The following RPL10 variants were observed in gnomAD, a reference collection of about 807,000 sequenced individuals.
RPL10 encodes large ribosomal subunit protein uL16.
In RPL10, 1 loss-of-function variant was observed where a neutral mutation model predicts 15.7. That is an observed-to-expected ratio of 0.06 (90% confidence interval 0.02 to 0.30). The LOEUF (loss-of-function observed/expected upper bound fraction) is 0.30, where lower values mean the gene tolerates loss of function less well. Among genes scored for constraint, RPL10 ranks in the 10% least tolerant of loss-of-function variants. RPL10 has a pLI of 1.00. For synonymous variants in RPL10, 59 were observed against 64.0 expected (o/e 0.92, Z 0.37); for missense variants, 54 against 183.4 (o/e 0.29, Z 4.08).
intron 2 of RPL10, 38 bp downstream of exon 2, chrX:154,398,580 C>A: frequency 1.7e-6 from 2 of 1,208,170 alleles, no homozygotes; most frequent in Non-Finnish European, 2.2e-6. Flanking sequence ...TGCTGGGAAA[C>A]GGGCGGGGAA....
upstream of RPL10, chrX:154,398,241 G>T (rs781883395): frequency 2.0e-6 from 1 of 496,007 alleles, no homozygotes; most frequent in East Asian, 3.8e-5. Flanking sequence ...GGCTACGCCC[G>T]GGCGCAAGCG....
rs371964689 is a variant in RPL10 at position 154,400,842 on chromosome X, C to T, written c.633C>T (p.Ala211=). The T allele has an allele frequency of 6.0e-4, 725 of 1,209,786 alleles. 3 individuals are homozygous for T. The South Asian group carries it at 0.011, about 19-fold the overall frequency. Residue 211 remains alanine, a synonymous_variant, in exon 7 of 7, where the codon GCC becomes GCT. Coordinates refer to ENST00000369817, the MANE Select transcript of RPL10 (RefSeq NM_006013.5). Reference sequence around the variant, plus strand: ...GTGGCCCTCTGGACAAGTGGCGGGCCCTGCACTCATGAGGGCTTCCAATGT... The same window carrying T: ...GTGGCCCTCTGGACAAGTGGCGGGCTCTGCACTCATGAGGGCTTCCAATGT... ...PSRGPLDKWR[A]LHS is the part of the protein sequence containing the mutation.
Position 154,400,530 on chromosome X carries a change from C to T in RPL10, c.396C>T (p.Gly132=). 1 of 1,207,576 alleles carries T rather than the reference C, an allele frequency of 8.3e-7. No individual in the cohort carries two copies. The highest frequency in any genetic ancestry group is 1.1e-6 in the Non-Finnish European group (1 of 894,841). ...PQGTVARVHI[G]QVIMSIRTKL... ...GCACTGTGGCCAGGGTTCACATTGG[C>T]CAAGTTATCATGTCCATCCGCACCA... The change falls in exon 6 of 7, where the codon GGC becomes GGT. Residue 132 remains glycine, a synonymous_variant. Coordinates refer to ENST00000369817, the MANE Select transcript of RPL10 (RefSeq NM_006013.5).
In RPL10 at chrX:154,400,690, A is replaced by G; in HGVS notation, c.493-12A>G. 1 of 1,210,758 alleles carries G rather than the reference A, an allele frequency of 8.3e-7. No homozygotes were observed. Among genetic ancestry groups the G allele is most frequent in the Non-Finnish European group, 1.1e-6 (1 of 895,156 alleles). On this transcript the variant is annotated splice_polypyrimidine_tract_variant and intron_variant, in intron 6 of 6. Coordinates refer to ENST00000369817, the MANE Select transcript of RPL10 (RefSeq NM_006013.5). Reference sequence around the variant, plus strand: ...CAGGCCTCCTGACTCAGTTCTTTCCATTGCTCCTTAGATCCACATCTCAAA... The same window carrying G: ...CAGGCCTCCTGACTCAGTTCTTTCCGTTGCTCCTTAGATCCACATCTCAAA...
In RPL10 at chrX:154,401,222, G is replaced by A. The variant is rs184818061; in HGVS notation, c.*368G>A. ...TTGTGTTGCTTATTACAACACATGCGGACCAAGAGGGGCTTGTGGGCTAGA... is the reference window on the plus strand; with the variant it reads ...TTGTGTTGCTTATTACAACACATGCAGACCAAGAGGGGCTTGTGGGCTAGA... On this transcript the variant is annotated 3_prime_UTR_variant, in exon 7 of 7. Transcript: ENST00000369817. 13 of 276,314 alleles carry A rather than the reference G, an allele frequency of 4.7e-5. No homozygotes were observed. The highest frequency in any genetic ancestry group is 1.1e-4 in the African/African-American group (4 of 35,985). The allele number at this position is 276,314 out of a possible 1,213,427, so 22.8% of individuals were successfully genotyped here.
rs782606677 is a variant in RPL10, at chrX:154,399,544, C to T, written c.140C>T (p.Pro47Leu). ...GRKKAKVDEFPLCGHMVSDEY... is the reference protein window; with the variant it reads ...GRKKAKVDEFLLCGHMVSDEY... The stretch of plus-strand genomic sequence containing the variant: ...AAAAAGGCAAAAGTGGATGAGTTTC[C>T]GCTTTGTGGCCACATGGTGTCAGAT... Residue 47 changes from proline to leucine, a missense_variant, in exon 4 of 7, where the codon CCG becomes CTG. By Grantham distance (98) the Pro-to-Leu change is moderately conservative (BLOSUM62 -3). Coordinates refer to ENST00000369817, the MANE Select transcript of RPL10 (RefSeq NM_006013.5). The T allele has an allele frequency of 9.9e-6, 12 of 1,209,946 alleles. No individual in the cohort carries two copies. The highest frequency in any genetic ancestry group is 1.3e-5 in the Non-Finnish European group (12 of 895,245).
Position 154,401,603 on chromosome X carries a change from G to A in RPL10, c.*749G>A, listed in dbSNP as rs1407546028. 1 of 112,066 alleles carries A rather than the reference G, an allele frequency of 8.9e-6. No homozygotes were observed. The highest frequency in any genetic ancestry group is 3.3e-5 in the African/African-American group (1 of 30,536). 9.2% of individuals were successfully genotyped at this position (112,066 alleles called of 1,213,427 possible). On this transcript the variant is annotated 3_prime_UTR_variant, in exon 7 of 7. Transcript: ENST00000369817. The stretch of plus-strand genomic sequence containing the variant: ...TGGCTTTTGGGGGAGCAGCAAAAAT[G>A]AGAGGAGTGCTAGGTGGGTGGCCTG...
At chrX:154,399,741 G>A in intron 4 of RPL10, 62 bp from the exon 5 acceptor site, 1 of 1,196,392 alleles carries the variant, frequency 8.4e-7, no homozygotes. Flanking sequence ...GCTGGAGATA[G>A]TCGTGGTGAA....
Position 154,399,392 on chromosome X carries a change from C to G in RPL10, c.78C>G (p.Val26=). 1 of 1,211,740 alleles carries G rather than the reference C, an allele frequency of 8.3e-7. No homozygotes were observed. The highest frequency in any genetic ancestry group is 2.3e-4 in the Middle Eastern group (1 of 4,356). ...PYPKSRFCRG[V]PDAKIRIFDL... ...CAAAGTCTCGCTTCTGCCGAGGTGT[C>G]CCTGGTAAGTAGTGGAAGAGCCCCT... The change falls in exon 3 of 7, where the codon GTC becomes GTG. Residue 26 remains valine (V), a synonymous_variant. Transcript: ENST00000369817.
rs782460076 is a variant in RPL10 at position 154,399,470 on chromosome X, T to C, written c.83-17T>C. The C allele has an allele frequency of 8.3e-7, 1 of 1,211,473 alleles. No homozygotes were observed. The highest frequency in any genetic ancestry group is 1.8e-5 in the South Asian group (1 of 57,018). On this transcript the variant is annotated splice_polypyrimidine_tract_variant and intron_variant, in intron 3 of 6. Coordinates refer to ENST00000369817, the MANE Select transcript of RPL10 (RefSeq NM_006013.5). ...TCCGTCTGTGACACCCCCTGCACAC[T>C]TACCCAATCCTTTTAGATGCCAAGA...
rs782301289 is a variant in RPL10 at position 154,400,737 on chromosome X, C to T, written c.528C>T (p.Phe176=). 5 of 1,209,819 alleles carry T rather than the reference C, an allele frequency of 4.1e-6. No individual in the cohort carries two copies. Among genetic ancestry groups the T allele is most frequent in the African/African-American group, 1.8e-5 (1 of 57,107 alleles). The stretch of plus-strand genomic sequence containing the variant: ...CAAAGAAGTGGGGCTTCACCAAGTT[C>T]AATGCTGATGAATTTGAAGACATGG... ...HISKKWGFTK[F]NADEFEDMVA... The change falls in exon 7 of 7, where the codon TTC becomes TTT. Residue 176 remains phenylalanine (F), a synonymous_variant. Coordinates refer to ENST00000369817, the MANE Select transcript of RPL10 (RefSeq NM_006013.5).
intron 2 of RPL10, 94 bp downstream of exon 2, chrX:154,398,636 C>G: frequency 9.2e-7 from 1 of 1,086,964 alleles, no homozygotes; most frequent in East Asian, 3.0e-5. Flanking sequence ...TGGAGCCTCC[C>G]CCGTGCGGCG....
chrX:154,400,890 C>G lies in RPL10; in HGVS notation c.*36C>G, dbSNP rs2068016753. 8.3e-7 allele frequency: 1 copy of G among 1,208,828 alleles called. No individual in the cohort carries two copies. The highest frequency in any genetic ancestry group is 1.1e-6 in the Non-Finnish European group (1 of 894,718). On this transcript the variant is annotated 3_prime_UTR_variant, in exon 7 of 7. Coordinates refer to ENST00000369817, the MANE Select transcript of RPL10 (RefSeq NM_006013.5). Reference sequence around the variant, plus strand: ...TGTGCTGCCCCCCTCTTAATACTCACCAATAAATTCTACTTCCTGTCCACC... The same window carrying G: ...TGTGCTGCCCCCCTCTTAATACTCAGCAATAAATTCTACTTCCTGTCCACC...
At chrX:154,399,759 C>T (rs1569552269) in intron 4 of RPL10, 44 bp from the exon 5 acceptor site, 1 of 1,207,680 alleles carries the variant, frequency 8.3e-7, no homozygotes, top group Admixed American at 2.2e-5. Flanking sequence ...GAATGTTTCT[C>T]TATTATCTTC....
In RPL10 at chrX:154,400,734, G is replaced by C. The variant is rs1304367134; in HGVS notation, c.525G>C (p.Lys175Asn). 1.7e-6 allele frequency: 2 copies of C among 1,209,783 alleles called. No individual in the cohort carries two copies. The highest frequency in any genetic ancestry group is 3.5e-5 in the African/African-American group (2 of 57,071). ...TCTCAAAGAAGTGGGGCTTCACCAA[G>C]TTCAATGCTGATGAATTTGAAGACA... is the stretch of plus-strand genomic sequence containing the variant. ...IHISKKWGFT[K>N]FNADEFEDMV... The change falls in exon 7 of 7, where the codon AAG becomes AAC. Residue 175 changes from lysine to asparagine, a missense_variant. Lys to Asn is a moderately conservative substitution (Grantham distance 94, BLOSUM62 0). Around this residue, in one of 3 missense-constraint regions of RPL10, gnomAD observed 32 missense variants for 76.0 expected, o/e 0.42. Transcript: ENST00000369817.
chrX:154,398,469 C>T (rs1234433059), intron 1 of RPL10, 28 bp from the exon 2 acceptor site: 6 of 1,206,457 alleles, frequency 5.0e-6, no homozygotes, highest in Non-Finnish European at 6.7e-6. Flanking sequence ...TCTCGTCTTC[C>T]GTTCCGACTC....
chrX:154,400,933 A>G lies in RPL10; in HGVS notation c.*79A>G, dbSNP rs782483082. 5.0e-6 allele frequency: 6 copies of G among 1,200,265 alleles called. No homozygotes were observed. The highest frequency in any genetic ancestry group is 3.0e-5 in the East Asian group (1 of 33,383). ...TGTCCACCTATGTCTTTGTATCTAC[A>G]TTCTTGACGGGGAAGGAACTTCCTC... On this transcript the variant is annotated 3_prime_UTR_variant, in exon 7 of 7. Transcript: ENST00000369817.
intron 2 of RPL10, chrX:154,398,921 C>T (rs1557185042): frequency 5.6e-6 from 2 of 359,444 alleles, no homozygotes; most frequent in Non-Finnish European, 1.0e-5. Flanking sequence ...CCTCCTGTGT[C>T]CTACAGGGGG....
chrX:154,398,599 C>T, intron 2 of RPL10, 57 bp downstream of exon 2: 1 of 1,187,257 alleles, frequency 8.4e-7, no homozygotes. Flanking sequence ...AAAGAAGTGC[C>T]TATGGCCGCT....
Sources: gnomAD v4.1 joint callset for allele counts on GRCh38, gnomAD v4.1.1 for gene constraint, gnomAD v4.1.1 regional missense constraint, MANE v1.5 for transcripts, NCBI Gene and HGNC (gene_info 2026-07-23, HGNC 2026-07-21) for gene names.